The following SETBP1 variants were observed in gnomAD, a reference collection of about 807,000 sequenced individuals.
SETBP1 encodes SET binding protein 1.
A neutral mutation model predicts 101.0 loss-of-function variants in SETBP1; 9 were observed. That is an observed-to-expected ratio of 0.09 (90% CI 0.05 to 0.16). The LOEUF is 0.16. Among genes scored for constraint, SETBP1 ranks in the 10% least tolerant of loss-of-function variants. SETBP1 has a pLI of 1.00. For missense variants in SETBP1, 1,858 were observed against 2,033.8 expected (o/e 0.91, Z 1.66); for synonymous variants, 818 against 788.5 (o/e 1.04, Z -0.63).
chr18:44,964,768 CTT>C (rs1382698764), intron 4 of SETBP1, among the ~76,000 whole-genome samples: 1 of 152,124 alleles, frequency 6.6e-6, no homozygotes, highest in Non-Finnish European at 1.5e-5. Context: ...TCCAGCCTAA[CTT>C]AGGAAAACCA....
chr18:44,779,946 G>A (rs1005392060), intron 2 of SETBP1, among the ~76,000 whole-genome samples: 22 of 150,764 alleles, frequency 1.5e-4, no homozygotes, highest in African/African-American at 5.4e-4. Flanking sequence ...ACACACACAC[G>A]CACGCACACA....
chr18:45,027,988 T>G (rs1277719761), intron 4 of SETBP1, among the ~76,000 whole-genome samples: 1 of 152,040 alleles, frequency 6.6e-6, no homozygotes, highest in African/African-American at 2.4e-5. Context: ...CTGACCCTGT[T>G]TCTTTTTTCT....
At position 45,063,394 on chromosome 18, in the gene SETBP1, T is replaced by A; in HGVS notation, c.4487T>A (p.Leu1496Gln). 6.5e-7 allele frequency: 1 copy of A among 1,546,058 alleles called. No individual in the cohort carries two copies. The highest frequency in any genetic ancestry group is 8.7e-7 in the Non-Finnish European group (1 of 1,146,246). Residue 1496 changes from leucine (L) to glutamine (Q), a missense_variant, in exon 6 of 6, where the codon CTG becomes CAG. Coordinates refer to ENST00000649279, the MANE Select transcript of SETBP1 (RefSeq NM_015559.3). ...GQKPSLSPLV[L>Q]EPAASQDTIM... is the part of the protein sequence containing the mutation. ...AAGCCCAGCCTGAGCCCGCTGGTGC[T>A]GGAGCCCGCCGCCAGCCAAGACACC...
chr18:44,864,615 T>C (rs1402407185), intron 2 of SETBP1, among the ~76,000 whole-genome samples: 1 of 152,126 alleles, frequency 6.6e-6, no homozygotes, highest in African/African-American at 2.4e-5. Flanking sequence ...CCAGGAACAC[T>C]GCCGGGCTCC....
chr18:44,743,147 TTCTC>T (rs1199460572), intron 2 of SETBP1, among the ~76,000 whole-genome samples: 2 of 151,048 alleles, frequency 1.3e-5, no homozygotes, highest in African/African-American at 4.9e-5. Context: ...TTTTTGCTCT[TTCTC>T]TCTCTCTCTC....
rs1008582799 is a variant in SETBP1 at position 45,064,841 on chromosome 18, A to G, written c.*1143A>G. 6.6e-6 allele frequency: 1 copy of G among 151,886 alleles called. No homozygotes were observed. Among genetic ancestry groups the G allele is most frequent in the African/African-American group, 2.4e-5 (1 of 41,368 alleles). 9.4% of individuals were successfully genotyped at this position (151,886 alleles called of 1,614,324 possible). ...AAAAAAAAAAGGAAACAAAAACACA[A>G]TAGAAGTCCATTATCCCTTGATAAT... On this transcript the variant is annotated 3_prime_UTR_variant, in exon 6 of 6. Coordinates refer to ENST00000649279, the MANE Select transcript of SETBP1 (RefSeq NM_015559.3).
intron 2 of SETBP1, among the ~76,000 whole-genome samples, chr18:44,748,635 G>T (rs945581427): frequency 2.0e-5 from 3 of 151,892 alleles, no homozygotes; most frequent in African/African-American, 7.3e-5. Context: ...GCGTGTGCAG[G>T]CACCATGTGC....
intron 2 of SETBP1, among the ~76,000 whole-genome samples, chr18:44,773,793 CCTCTCT>C (rs377709717): frequency 2.0e-4 from 26 of 133,332 alleles, no homozygotes; most frequent in East Asian, 6.7e-4. Flanking sequence ...TCTCAACCAG[CCTCTCT>C]CTCTCTCTCT....
At chr18:44,959,572 A>G (rs74817737) in intron 4 of SETBP1, among the ~76,000 whole-genome samples, 1,942 of 152,270 alleles carry the variant, frequency 0.013, 37 homozygotes, top group African/African-American at 0.044. Context: ...GAGGACCTCT[A>G]TAATTTAGGG....
chr18:44,879,101 A>C (rs2069474191), intron 3 of SETBP1, among the ~76,000 whole-genome samples: 1 of 152,224 alleles, frequency 6.6e-6, no homozygotes, highest in South Asian at 2.1e-4. Flanking sequence ...AGCCAATGAT[A>C]CATGGAGGGG....
intron 2 of SETBP1, among the ~76,000 whole-genome samples, chr18:44,865,250 G>A (rs1252098856): frequency 6.6e-6 from 1 of 152,132 alleles, no homozygotes; most frequent in African/African-American, 2.4e-5. Context: ...GAGTTTTAAG[G>A]TATGTTTTAG....
intron 2 of SETBP1, among the ~76,000 whole-genome samples, chr18:44,766,240 T>C (rs2070761343): frequency 6.6e-6 from 1 of 152,228 alleles, no homozygotes; most frequent in South Asian, 2.1e-4. Context: ...GGTCCGGCAG[T>C]GGACAACGGG....
At chr18:45,033,123 GA>G (rs2073330435) in intron 4 of SETBP1, among the ~76,000 whole-genome samples, 1 of 152,006 alleles carries the variant, frequency 6.6e-6, no homozygotes, top group Non-Finnish European at 1.5e-5. Context: ...TTGCAAACAA[GA>G]AAAAAGAACA....
rs570039694 is a variant in SETBP1, at chr18:45,050,156, A to G, written c.4171+11501A>G. Among the ~76,000 whole-genome samples, 3 of 152,336 alleles carry G rather than the reference A, an allele frequency of 2.0e-5. No individual in the cohort carries two copies. In the South Asian group the frequency reaches 6.2e-4, roughly 32 times the overall value. ...AAATACATGAAATACTGCAATATAC[A>G]CTGTAGGTTTTCAAAAAATGTTAGT... is the stretch of plus-strand genomic sequence containing the variant. On this transcript the variant is annotated intron_variant, in intron 5 of 5. Coordinates refer to ENST00000649279, the MANE Select transcript of SETBP1 (RefSeq NM_015559.3).
intron 4 of SETBP1, among the ~76,000 whole-genome samples, chr18:45,010,201 TAA>T (rs1352593732): frequency 5.9e-5 from 9 of 152,336 alleles, no homozygotes; most frequent in African/African-American, 1.7e-4. Context: ...AGATTCAGGC[TAA>T]GTGAGACATC....
chr18:44,830,128 T>C (rs1421707518), intron 2 of SETBP1, among the ~76,000 whole-genome samples: 3 of 152,204 alleles, frequency 2.0e-5, no homozygotes, highest in Admixed American at 1.3e-4. Context: ...GGGTTCTTGA[T>C]GGTAGAACTT....
chr18:44,718,572 GTCAT>G (rs752019982), intron 2 of SETBP1, among the ~76,000 whole-genome samples: 5 of 152,202 alleles, frequency 3.3e-5, no homozygotes, highest in Admixed American at 2.0e-4. Context: ...GCATAACTGA[GTCAT>G]TCATTCATTT....
intron 3 of SETBP1, among the ~76,000 whole-genome samples, chr18:44,882,481 G>A (rs1165975285): frequency 6.6e-6 from 1 of 151,868 alleles, no homozygotes; most frequent in Non-Finnish European, 1.5e-5. Context: ...TCCCTCTGCT[G>A]TGTGACAAGC....
At chr18:44,690,229 T>C (rs890219526) in intron 1 of SETBP1, among the ~76,000 whole-genome samples, 2 of 152,196 alleles carry the variant, frequency 1.3e-5, no homozygotes, top group Non-Finnish European at 2.9e-5. Flanking sequence ...AACAAGACAA[T>C]GTTTAATGAC....
Sources: gnomAD v4.1 joint callset for allele counts (sites outside exome capture counted in the v4.1 genomes callset) on GRCh38, gnomAD v4.1.1 for gene constraint, MANE v1.5 for transcripts, NCBI Gene and HGNC (gene_info 2026-07-23, HGNC 2026-07-21) for gene names.